Variants in KBTBD3 observed in about 807,000 individuals in gnomAD.
KBTBD3 encodes the protein kelch repeat and BTB domain containing 3.
A neutral mutation model predicts 49.6 loss-of-function variants in KBTBD3; 38 were observed. That is an observed-to-expected ratio of 0.77 (90% CI 0.59 to 1.00). KBTBD3 has a LOEUF of 1.00. KBTBD3 is among the 50% of genes least tolerant of loss of function. KBTBD3 has a pLI of 0.00. For missense variants in KBTBD3, 661 were observed against 712.0 expected (o/e 0.93, Z 0.81); for synonymous variants, 214 against 250.4 (o/e 0.85, Z 1.37).
intron 2 of KBTBD3, among the ~76,000 whole-genome samples, chr11:106,070,519 G>C (rs1043446195): frequency 3.9e-5 from 6 of 151,988 alleles, no homozygotes; most frequent in African/African-American, 1.4e-4. Context: ...AGTCATTATG[G>C]AAATGGAAAT....
intron 2 of KBTBD3, among the ~76,000 whole-genome samples, chr11:106,063,131 G>T (rs1412980651): frequency 6.6e-6 from 1 of 152,214 alleles, no homozygotes; most frequent in African/African-American, 2.4e-5. Context: ...TTATGTAAGA[G>T]AACTGAAACT....
chr11:106,054,109 T>G lies in KBTBD3; in HGVS notation c.580A>C (p.Asn194His), dbSNP rs1233855113. ...AGACATTTCTGTAGTACTCCAAAATTCATCTCTAAGAAATCACTGGATTTA... is the reference window on the plus strand; with the variant it reads ...AGACATTTCTGTAGTACTCCAAAATGCATCTCTAAGAAATCACTGGATTTA... ...LFKSSDFLEM[N>H]FGVLQKCLES... is the part of the protein sequence containing the mutation. The change falls in exon 4 of 4, where the codon AAT becomes CAT. Residue 194 changes from asparagine (N) to histidine (H), a missense_variant. Asn to His is a moderately conservative substitution (Grantham distance 68). Coordinates refer to ENST00000531837, the MANE Select transcript of KBTBD3 (RefSeq NM_198439.3). The G allele has an allele frequency of 6.2e-7, 1 of 1,613,368 alleles. No homozygotes were observed. The highest frequency in any genetic ancestry group is 1.7e-5 in the Admixed American group (1 of 59,880).
At chr11:106,076,344 T>C (rs1591540866) in intron 2 of KBTBD3, 163 bp downstream of exon 2, 2 of 152,358 alleles carry the variant, frequency 1.3e-5, no homozygotes, top group Middle Eastern at 3.4e-3. Flanking sequence ...TTTGGGGATC[T>C]GAATTTGTGT....
At chr11:106,056,780 C>G (rs974862072) in intron 3 of KBTBD3, among the ~76,000 whole-genome samples, 5 of 152,062 alleles carry the variant, frequency 3.3e-5, no homozygotes, top group African/African-American at 1.2e-4. Context: ...AGATTTAGGG[C>G]ATATGTATTA....
rs766234172 is a variant in KBTBD3 at position 106,053,115 on chromosome 11, CA to C, written c.1573del (p.Cys525ValfsTer32). 3.1e-6 allele frequency: 5 copies of C among 1,613,646 alleles called. 1 individual carries two copies. In the South Asian group the frequency reaches 5.5e-5, roughly 18 times the overall value. On this transcript the variant is annotated frameshift_variant, in exon 4 of 4. Transcript: ENST00000531837. LOFTEE classifies it high-confidence loss of function. ...DLSTYKVYSF[C>X]PDTCVWKGEG... is the part of the protein sequence containing the mutation. ...GCCTTTCCAAACACAAGTGTCTGGACAAAAACTATAAACCTTATAGGTGGAA... is the reference window on the plus strand; with the variant it reads ...GCCTTTCCAAACACAAGTGTCTGGACAAAACTATAAACCTTATAGGTGGAA...
chr11:106,062,601 C>G (rs1860724136), intron 2 of KBTBD3, among the ~76,000 whole-genome samples: 1 of 152,206 alleles, frequency 6.6e-6, no homozygotes, highest in Non-Finnish European at 1.5e-5. Context: ...TTTCCTATTA[C>G]TCAGTCTTTT....
At chr11:106,067,908 G>A (rs565734753) in intron 2 of KBTBD3, among the ~76,000 whole-genome samples, 1 of 151,886 alleles carries the variant, frequency 6.6e-6, no homozygotes, top group African/African-American at 2.4e-5. Flanking sequence ...ATAATAAGTA[G>A]GTTGAAAGTA....
At chr11:106,075,569 G>A (rs1311775583) in intron 2 of KBTBD3, 1 of 152,148 alleles carries the variant, frequency 6.6e-6, no homozygotes, top group African/African-American at 2.4e-5. Context: ...ATACTGTTTT[G>A]GAAAAAGGTA....
At chr11:106,074,146 AC>A (rs1423336805) in intron 2 of KBTBD3, among the ~76,000 whole-genome samples, 1 of 143,290 alleles carries the variant, frequency 7.0e-6, no homozygotes, top group Non-Finnish European at 1.5e-5. Flanking sequence ...TCCTTCTCAT[AC>A]ATTAAGAGCT....
At position 106,053,186 on chromosome 11, in the gene KBTBD3, T is replaced by A; in HGVS notation, c.1503A>T (p.Leu501Phe). The A allele has an allele frequency of 6.2e-7, 1 of 1,613,604 alleles. No individual in the cohort carries two copies. Among genetic ancestry groups the A allele is most frequent in the Non-Finnish European group, 8.5e-7 (1 of 1,179,770 alleles). ...TACAGTTTACTGGTACAGCTTTAAT[T>A]AATGTTGCATGAAAAAATTGCCCAA... ...AEFGQFFHAT[L>F]IKAVPVNCTL... Residue 501 changes from leucine (L) to phenylalanine (F), a missense_variant, in exon 4 of 4, where the codon TTA (leucine) becomes TTT (phenylalanine). By Grantham distance (22) the Leu-to-Phe change is conservative. Transcript: ENST00000531837.
intron 3 of KBTBD3, among the ~76,000 whole-genome samples, chr11:106,055,871 T>C (rs1860539831): frequency 6.6e-6 from 1 of 152,222 alleles, no homozygotes; most frequent in Non-Finnish European, 1.5e-5. Context: ...TAATTTACTA[T>C]CGGCTTCCAC....
intron 2 of KBTBD3, among the ~76,000 whole-genome samples, chr11:106,075,783 TAC>T (rs1205865914): frequency 1.3e-5 from 2 of 152,264 alleles, no homozygotes; most frequent in East Asian, 1.9e-4. Flanking sequence ...GCCTGAATGA[TAC>T]AGAGGAAACA....
chr11:106,075,512 C>T (rs375307521), intron 2 of KBTBD3: 2 of 152,128 alleles, frequency 1.3e-5, no homozygotes, highest in East Asian at 1.9e-4. Context: ...ATAGGAGAGA[C>T]GTCATAAGGC....
intron 2 of KBTBD3, among the ~76,000 whole-genome samples, chr11:106,064,968 C>A (rs868226773): frequency 6.6e-6 from 1 of 152,280 alleles, no homozygotes; most frequent in Middle Eastern, 3.4e-3. Flanking sequence ...TCTCCTACAA[C>A]CTTATATTCC....
chr11:106,056,034 G>A (rs779181231), intron 3 of KBTBD3, among the ~76,000 whole-genome samples: 1 of 152,068 alleles, frequency 6.6e-6, no homozygotes, highest in Non-Finnish European at 1.5e-5. Context: ...TGTCTCCAAT[G>A]ACATTCCATC....
At chr11:106,055,878 C>A (rs1456636069) in intron 3 of KBTBD3, among the ~76,000 whole-genome samples, 1 of 152,138 alleles carries the variant, frequency 6.6e-6, no homozygotes, top group Admixed American at 6.5e-5. Context: ...CTATCGGCTT[C>A]CACATTTTCT....
intron 3 of KBTBD3, among the ~76,000 whole-genome samples, chr11:106,058,209 C>T (rs897955749): frequency 6.6e-6 from 1 of 151,794 alleles, no homozygotes; most frequent in African/African-American, 2.4e-5. Flanking sequence ...ACGGTGAAAC[C>T]CCGTCTCTAC....
chr11:106,076,045 A>G (rs143384916), intron 2 of KBTBD3: 3 of 152,244 alleles, frequency 2.0e-5, no homozygotes, highest in Non-Finnish European at 4.4e-5. Flanking sequence ...GGAAACAGAA[A>G]CGTAATGTAT....
intron 3 of KBTBD3, 200 bp downstream of exon 3, chr11:106,058,665 C>T: frequency 2.0e-6 from 1 of 505,554 alleles, no homozygotes; most frequent in Non-Finnish European, 3.4e-6. Context: ...CTCAGGTGAT[C>T]CGCCCGCCTT....
Sources: allele counts gnomAD v4.1 joint callset (sites outside exome capture counted in the v4.1 genomes callset), GRCh38; gene constraint gnomAD v4.1.1; transcripts MANE v1.5; gene names NCBI Gene and HGNC (gene_info 2026-07-23, HGNC 2026-07-21).